The following CMTM7 variants were observed in gnomAD, a reference collection of about 807,000 sequenced individuals.
CMTM7 encodes the protein CKLF-like MARVEL transmembrane domain-containing protein 7.
In CMTM7, 7 loss-of-function variants were observed where a neutral mutation model predicts 19.3. That is an observed-to-expected ratio of 0.36 (90% CI 0.21 to 0.68). CMTM7 has a LOEUF of 0.68. CMTM7 is among the 30% of genes least tolerant of loss of function. The pLI, the probability that CMTM7 is intolerant of heterozygous loss-of-function variation, is 0.60. For synonymous variants in CMTM7, 87 were observed against 99.3 expected, an observed-to-expected ratio of 0.88 and a Z score of 0.74; for missense variants, 193 against 232.6, an observed-to-expected ratio of 0.83 and a Z score of 1.11.
chr3:32,395,534 A>C (rs573813791), intron 1 of CMTM7, among the ~76,000 whole-genome samples: 3 of 152,264 alleles, frequency 2.0e-5, no homozygotes, highest in Admixed American at 2.0e-4. Context: ...TCCAAAACTC[A>C]TAACTCTGGC....
chr3:32,397,140 A>G lies in CMTM7; in HGVS notation c.159+5075A>G, dbSNP rs544892233. On this transcript the variant is annotated intron_variant, in intron 1 of 4. Transcript: ENST00000334983. ...TAGTGAAGTCAAAGTAGTTTACTAG[A>G]CGCCACTCAATTACAGAGTAGAGAC... Among the ~76,000 whole-genome samples, 7 of 152,282 alleles carry G rather than the reference A, an allele frequency of 4.6e-5. No homozygotes were observed. The South Asian group carries it at 1.2e-3, about 27-fold the overall frequency.
At chr3:32,419,919 CCT>C (rs1048897550) in intron 1 of CMTM7, among the ~76,000 whole-genome samples, 1 of 152,134 alleles carries the variant, frequency 6.6e-6, no homozygotes, top group Non-Finnish European at 1.5e-5. Flanking sequence ...GTCTCTCTTT[CCT>C]CTCTGTGTGG....
At chr3:32,410,729 G>T (rs909479904) in intron 1 of CMTM7, among the ~76,000 whole-genome samples, 20 of 152,244 alleles carry the variant, frequency 1.3e-4, no homozygotes, top group African/African-American at 3.9e-4. Context: ...TTTCGTAGTA[G>T]CTGTTAGCCT....
In CMTM7 at chr3:32,401,758, G is replaced by A. The variant is rs565774346; in HGVS notation, c.159+9693G>A. On this transcript the variant is annotated intron_variant, in intron 1 of 4. Transcript: ENST00000334983. ...CTACTTTGGCTCAGTGGTTTCCTGG[G>A]CTCGCTGCTCATTCCCTGGCAGGGC... 1.8e-4 allele frequency among the ~76,000 whole-genome samples: 27 copies of A among 152,342 alleles called. No individual in the cohort carries two copies. The South Asian group carries it at 5.0e-3, about 28-fold the overall frequency.
chr3:32,408,162 A>C (rs1229700325), intron 1 of CMTM7, among the ~76,000 whole-genome samples: 2 of 152,188 alleles, frequency 1.3e-5, no homozygotes, highest in Non-Finnish European at 2.9e-5. Flanking sequence ...CGGAGGGAGC[A>C]CTGTCCTGCT....
At chr3:32,417,693 GTTC>G (rs1696287762) in intron 1 of CMTM7, among the ~76,000 whole-genome samples, 1 of 152,188 alleles carries the variant, frequency 6.6e-6, no homozygotes. Context: ...GTGTATGAGA[GTTC>G]TTGTTGTTTA....
At chr3:32,448,999 A>G (rs904803384) in intron 2 of CMTM7, among the ~76,000 whole-genome samples, 1 of 152,170 alleles carries the variant, frequency 6.6e-6, no homozygotes, top group Non-Finnish European at 1.5e-5. Context: ...TTAGCCCAGA[A>G]CTTTCTCCGA....
At chr3:32,398,830 C>G (rs760683806) in intron 1 of CMTM7, among the ~76,000 whole-genome samples, 73 of 151,876 alleles carry the variant, frequency 4.8e-4, no homozygotes, top group Middle Eastern at 3.2e-3. Context: ...CAAAAAAATA[C>G]AAAAATTAGA....
At chr3:32,422,878 G>A (rs1272222649) in intron 1 of CMTM7, among the ~76,000 whole-genome samples, 1 of 152,136 alleles carries the variant, frequency 6.6e-6, no homozygotes, top group African/African-American at 2.4e-5. Flanking sequence ...AAGCCTATTT[G>A]GTAATAAAGT....
intron 1 of CMTM7, among the ~76,000 whole-genome samples, chr3:32,421,139 T>G (rs1696336805): frequency 1.3e-5 from 2 of 152,132 alleles, no homozygotes; most frequent in African/African-American, 4.8e-5. Flanking sequence ...TTGCTAGAAC[T>G]GACACAGCCT....
intron 1 of CMTM7, among the ~76,000 whole-genome samples, chr3:32,425,099 T>C (rs1696409754): frequency 6.6e-6 from 1 of 152,194 alleles, no homozygotes; most frequent in Non-Finnish European, 1.5e-5. Flanking sequence ...AACAGCTCTG[T>C]GGTCTAGAGC....
intron 3 of CMTM7, 143 bp from the exon 4 acceptor site, chr3:32,452,249 A>G (rs1696848849): frequency 7.7e-6 from 12 of 1,551,384 alleles, no homozygotes; most frequent in Non-Finnish European, 8.7e-6. Context: ...ATCCAGGATG[A>G]GGTGGTTGGG....
chr3:32,409,028 C>T (rs1004704261), intron 1 of CMTM7, among the ~76,000 whole-genome samples: 16 of 151,976 alleles, frequency 1.1e-4, no homozygotes, highest in African/African-American at 3.6e-4. Flanking sequence ...ACTACAGTCA[C>T]GCGCCACCAT....
intron 1 of CMTM7, among the ~76,000 whole-genome samples, chr3:32,397,732 C>CA (rs35149379): frequency 5.3e-4 from 75 of 140,392 alleles, no homozygotes; most frequent in East Asian, 1.0e-3. Flanking sequence ...GACTCTGTCT[C>CA]AAAAAAAAAA....
chr3:32,393,733 G>A lies in CMTM7; in HGVS notation c.159+1668G>A, dbSNP rs1403758718. Among the ~76,000 whole-genome samples, 3 of 146,396 alleles carry A rather than the reference G, an allele frequency of 2.0e-5. No individual in the cohort carries two copies. The East Asian group carries it at 6.1e-4, about 30-fold the overall frequency. On this transcript the variant is annotated intron_variant, in intron 1 of 4. Coordinates refer to ENST00000334983, the MANE Select transcript of CMTM7 (RefSeq NM_138410.4). ...TGAACTGAGAAGGTCAGTGAACTGT[G>A]CCACTGCACTAGTCTGCGTGACGGA...
chr3:32,452,057 T>C, intron 3 of CMTM7: 1 of 1,351,678 alleles, frequency 7.4e-7, no homozygotes, highest in Non-Finnish European at 9.7e-7. Context: ...TTCTTCTCTT[T>C]TGGTCCAGGA....
chr3:32,410,723 G>A (rs3853719), intron 1 of CMTM7, among the ~76,000 whole-genome samples: 17,952 of 152,218 alleles, frequency 0.12, 1,123 homozygotes, highest in South Asian at 0.17. Flanking sequence ...TGCAGTTTTC[G>A]TAGTAGCTGT....
chr3:32,411,999 A>G (rs1418415791), intron 1 of CMTM7, among the ~76,000 whole-genome samples: 1 of 152,138 alleles, frequency 6.6e-6, no homozygotes, highest in African/African-American at 2.4e-5. Context: ...AAAAAGTACA[A>G]GGTTTGCAAT....
At chr3:32,453,988 G>C (rs147736966) in intron 4 of CMTM7, among the ~76,000 whole-genome samples, 319 of 152,302 alleles carry the variant, frequency 2.1e-3, no homozygotes, top group African/African-American at 7.1e-3. Flanking sequence ...TGGCTAAAAG[G>C]CTTGGGAGGT....
Sources: allele counts gnomAD v4.1 joint callset (sites outside exome capture counted in the v4.1 genomes callset), GRCh38; gene constraint gnomAD v4.1.1; transcripts MANE v1.5; gene names NCBI Gene and HGNC (gene_info 2026-07-23, HGNC 2026-07-21).